Variants in CA10 observed in about 807,000 individuals in gnomAD.
The protein encoded by CA10 is carbonic anhydrase 10 (inactive).
In CA10, 14 loss-of-function variants were observed where a neutral mutation model predicts 44.2. That is an observed-to-expected ratio of 0.32 (90% CI 0.21 to 0.50). The LOEUF is 0.50. Ranked by LOEUF, CA10 falls within the 20% of genes least tolerant of loss-of-function variation. The probability of loss-of-function intolerance (pLI) is 0.99; values close to 1 mark genes in which losing one functional copy is unlikely to be tolerated. For synonymous variants in CA10, 159 were observed against 141.6 expected, an observed-to-expected ratio of 1.12 and a Z score of -0.87; for missense variants, 350 against 409.7, an observed-to-expected ratio of 0.85 and a Z score of 1.26.
intron 1 of CA10, among the ~76,000 whole-genome samples, chr17:52,099,454 G>A (rs1395961503): frequency 1.3e-5 from 2 of 152,178 alleles, no homozygotes; most frequent in African/African-American, 4.8e-5. Context: ...TTACTGGGTA[G>A]CTACTTTTTC....
At chr17:51,811,888 T>C (rs1246232449) in intron 3 of CA10, among the ~76,000 whole-genome samples, 1 of 152,186 alleles carries the variant, frequency 6.6e-6, no homozygotes, top group Non-Finnish European at 1.5e-5. Context: ...CTAGCCCCAT[T>C]TCCTGACAGC....
chr17:52,100,188 A>G (rs904002284), intron 1 of CA10, among the ~76,000 whole-genome samples: 39 of 152,210 alleles, frequency 2.6e-4, no homozygotes, highest in African/African-American at 8.4e-4. Flanking sequence ...TGATTCAGGA[A>G]TAAAGGAAGA....
At chr17:52,145,061 G>A (rs922418049) in intron 1 of CA10, among the ~76,000 whole-genome samples, 3 of 152,178 alleles carry the variant, frequency 2.0e-5, no homozygotes, top group Non-Finnish European at 4.4e-5. Context: ...CAATACATCT[G>A]TAGCAGTCAA....
rs944642004 is a variant in CA10 at position 52,127,851 on chromosome 17, C to A, written c.61+29875G>T. Among the ~76,000 whole-genome samples the A allele has an allele frequency of 3.3e-5, 5 of 152,210 alleles. No homozygotes were observed. The East Asian group carries it at 7.7e-4, about 23-fold the overall frequency. ...AGGCTAGATCTTTGATAACAGATAT[C>A]CTGTGAACCTGTGTTTCACCTGACC... On this transcript the variant is annotated intron_variant, in intron 1 of 8. Transcript: ENST00000451037.
chr17:51,991,684 C>T (rs1050435735), intron 2 of CA10, among the ~76,000 whole-genome samples: 5 of 152,112 alleles, frequency 3.3e-5, no homozygotes, highest in Admixed American at 2.0e-4. Context: ...TGGCACATGC[C>T]TGTAATCCCA....
At chr17:51,992,357 T>C (rs955094617) in intron 2 of CA10, among the ~76,000 whole-genome samples, 2 of 152,142 alleles carry the variant, frequency 1.3e-5, no homozygotes, top group African/African-American at 4.8e-5. Flanking sequence ...GACCTTATTA[T>C]TTTTCTCTGC....
At chr17:51,914,542 C>T (rs879701428) in intron 3 of CA10, among the ~76,000 whole-genome samples, 3 of 152,056 alleles carry the variant, frequency 2.0e-5, no homozygotes, top group East Asian at 1.9e-4. Flanking sequence ...GGATAAAATA[C>T]GTATAGTGCT....
At chr17:52,078,294 C>T (rs1207075453) in intron 1 of CA10, among the ~76,000 whole-genome samples, 1 of 152,212 alleles carries the variant, frequency 6.6e-6, no homozygotes, top group East Asian at 1.9e-4. Context: ...AACAGAAGAG[C>T]CCTCACAAAG....
chr17:51,847,424 C>A (rs1598078749), intron 3 of CA10, among the ~76,000 whole-genome samples: 1 of 152,256 alleles, frequency 6.6e-6, no homozygotes. Context: ...TGGAGAATGC[C>A]AAAATCCTGT....
chr17:52,033,716 T>C (rs1478973960), intron 2 of CA10, among the ~76,000 whole-genome samples: 1 of 152,214 alleles, frequency 6.6e-6, no homozygotes, highest in Non-Finnish European at 1.5e-5. Context: ...GAAATAGTAC[T>C]ACAAACTGTT....
intron 3 of CA10, among the ~76,000 whole-genome samples, chr17:51,856,824 G>T (rs1009549328): frequency 2.0e-5 from 3 of 152,180 alleles, no homozygotes; most frequent in African/African-American, 7.2e-5. Flanking sequence ...AGCGGGGGAG[G>T]TCAGATGGGG....
At chr17:51,902,991 C>A (rs1412008280) in intron 3 of CA10, among the ~76,000 whole-genome samples, 3 of 152,166 alleles carry the variant, frequency 2.0e-5, no homozygotes, top group Admixed American at 2.0e-4. Flanking sequence ...ATTCATTCAA[C>A]AAATAAAAAC....
At chr17:51,800,442 TA>T (rs2143716071) in intron 3 of CA10, among the ~76,000 whole-genome samples, 1 of 152,222 alleles carries the variant, frequency 6.6e-6, no homozygotes, top group African/African-American at 2.4e-5. Context: ...TCTGTGGATG[TA>T]CAAAAAAAAC....
chr17:51,935,823 G>C (rs924454952), intron 2 of CA10, among the ~76,000 whole-genome samples: 3 of 152,100 alleles, frequency 2.0e-5, no homozygotes, highest in Non-Finnish European at 4.4e-5. Context: ...CCTTGGCAAC[G>C]TCTGGACAAA....
chr17:51,997,466 A>G (rs559193650), intron 2 of CA10, among the ~76,000 whole-genome samples: 24 of 152,200 alleles, frequency 1.6e-4, no homozygotes, highest in Admixed American at 9.8e-4. Context: ...TGGATAATCA[A>G]TTATTGATGA....
chr17:51,704,820 G>A lies in CA10; in HGVS notation c.465+42813C>T, dbSNP rs146247285. On this transcript the variant is annotated intron_variant, in intron 4 of 8. Coordinates refer to ENST00000451037, the MANE Select transcript of CA10 (RefSeq NM_020178.5). ...TCTGCTAAAAATACAAAAATTAGCC[G>A]GGTGTGATGGCATGCACCTGTAATC... 2.6e-5 allele frequency among the ~76,000 whole-genome samples: 4 copies of A among 152,096 alleles called. 1 individual carries two copies. The highest frequency in any genetic ancestry group is 9.6e-5 in the African/African-American group (4 of 41,490).
intron 3 of CA10, among the ~76,000 whole-genome samples, chr17:51,885,155 TTCTC>T (rs1191811091): frequency 2.0e-5 from 3 of 152,214 alleles, no homozygotes; most frequent in Non-Finnish European, 4.4e-5. Flanking sequence ...TTTTTTGTCT[TTCTC>T]TTTATACAAG....
At chr17:52,149,446 G>A (rs995120412) in intron 1 of CA10, among the ~76,000 whole-genome samples, 5 of 152,088 alleles carry the variant, frequency 3.3e-5, no homozygotes, top group African/African-American at 9.7e-5. Flanking sequence ...TGGCTATCCC[G>A]TTACCAGCCC....
intron 2 of CA10, among the ~76,000 whole-genome samples, chr17:52,047,585 T>C (rs1986946642): frequency 6.6e-6 from 1 of 151,978 alleles, no homozygotes; most frequent in Non-Finnish European, 1.5e-5. Flanking sequence ...CACACAAAAG[T>C]AATTCATGCA....
Sources: gnomAD v4.1 joint callset for allele counts (sites outside exome capture counted in the v4.1 genomes callset) on GRCh38, gnomAD v4.1.1 for gene constraint, MANE v1.5 for transcripts, NCBI Gene and HGNC (gene_info 2026-07-23, HGNC 2026-07-21) for gene names.